TBC1D32: variants seen among roughly 807,000 people sequenced by gnomAD.
The protein encoded by TBC1D32 is protein broad-minded.
TBC1D32 carries 151 observed loss-of-function variants against 170.3 expected under a neutral mutation model. The ratio of observed to expected loss-of-function variants is 0.89; its 90% confidence interval spans 0.78 to 1.01. The LOEUF (loss-of-function observed/expected upper bound fraction) is 1.01. TBC1D32 is among the 50% of genes least tolerant of loss of function. The pLI, the probability that TBC1D32 is intolerant of heterozygous loss-of-function variation, is 0.00. For missense variants in TBC1D32, 1,464 were observed against 1,457.1 expected, an observed-to-expected ratio of 1.00 and a Z score of -0.08; for synonymous variants, 498 against 488.0, an observed-to-expected ratio of 1.02 and a Z score of -0.27.
chr6:121,121,495 C>G (rs886258074), intron 26 of TBC1D32, among the ~76,000 whole-genome samples: 1 of 152,048 alleles, frequency 6.6e-6, no homozygotes, highest in African/African-American at 2.4e-5. Context: ...TCTTCACTGT[C>G]TCTTTATTCA....
At chr6:121,307,875 A>G in intron 5 of TBC1D32, 101 bp downstream of exon 5, 1 of 1,361,784 alleles carries the variant, frequency 7.3e-7, no homozygotes, top group Non-Finnish European at 9.8e-7. Context: ...AAAAAACAAA[A>G]AAGAAAAGAA....
At chr6:121,170,446 AT>A in intron 22 of TBC1D32, 1 of 1,607,210 alleles carries the variant, frequency 6.2e-7, no homozygotes, top group Non-Finnish European at 8.5e-7. Context: ...CTTCTTGAGC[AT>A]TTAGTAACAT....
chr6:121,107,438 T>C (rs537821169), intron 29 of TBC1D32, among the ~76,000 whole-genome samples: 1 of 152,020 alleles, frequency 6.6e-6, no homozygotes, highest in Non-Finnish European at 1.5e-5. Context: ...AGGAGATACC[T>C]CACAGCACTT....
At chr6:121,137,379 G>C (rs1469445080) in intron 24 of TBC1D32, among the ~76,000 whole-genome samples, 2 of 150,396 alleles carry the variant, frequency 1.3e-5, no homozygotes, top group Admixed American at 1.3e-4. Context: ...AGAAAGGTTT[G>C]ATTTATCTAA....
At chr6:121,185,489 A>T (rs1355302363) in intron 22 of TBC1D32, among the ~76,000 whole-genome samples, 1 of 152,128 alleles carries the variant, frequency 6.6e-6, no homozygotes, top group African/African-American at 2.4e-5. Context: ...TTGTATAGGA[A>T]ATATCTGTGA....
intron 22 of TBC1D32, among the ~76,000 whole-genome samples, chr6:121,187,346 T>G (rs1014850351): frequency 2.6e-5 from 4 of 152,118 alleles, no homozygotes; most frequent in African/African-American, 9.7e-5. Context: ...ACTAGTCTTA[T>G]TATTGAAAGG....
chr6:121,189,880 A>T (rs1471350375), intron 22 of TBC1D32, among the ~76,000 whole-genome samples: 1 of 151,936 alleles, frequency 6.6e-6, no homozygotes, highest in Non-Finnish European at 1.5e-5. Flanking sequence ...GGACACTAAG[A>T]ATTTTGCACT....
At chr6:121,159,502 C>A (rs746752502) in intron 24 of TBC1D32, among the ~76,000 whole-genome samples, 1 of 152,096 alleles carries the variant, frequency 6.6e-6, no homozygotes, top group Non-Finnish European at 1.5e-5. Flanking sequence ...AATAGTCATG[C>A]ATTGCTTAAT....
At chr6:121,259,539 C>T (rs1023830767) in intron 15 of TBC1D32, among the ~76,000 whole-genome samples, 6 of 152,062 alleles carry the variant, frequency 3.9e-5, no homozygotes, top group Non-Finnish European at 5.9e-5. Flanking sequence ...ACATTCACTG[C>T]TCCCTTCATA....
intron 22 of TBC1D32, among the ~76,000 whole-genome samples, chr6:121,173,545 C>T (rs1462599807): frequency 6.6e-6 from 1 of 151,818 alleles, no homozygotes; most frequent in Non-Finnish European, 1.5e-5. Context: ...CCTCTGTTTT[C>T]AACAGTGGAA....
chr6:121,323,632 T>G (rs1161067666), intron 1 of TBC1D32, among the ~76,000 whole-genome samples: 2 of 152,180 alleles, frequency 1.3e-5, no homozygotes, highest in African/African-American at 4.8e-5. Flanking sequence ...TCAACCATGT[T>G]GATCTTCATA....
intron 21 of TBC1D32, among the ~76,000 whole-genome samples, chr6:121,213,204 A>G (rs1793308253): frequency 6.6e-6 from 1 of 152,112 alleles, no homozygotes; most frequent in African/African-American, 2.4e-5. Context: ...GGCCACAGCA[A>G]TCAGGTAAGA....
At chr6:121,242,952 T>C (rs1797175565) in intron 17 of TBC1D32, among the ~76,000 whole-genome samples, 1 of 152,028 alleles carries the variant, frequency 6.6e-6, no homozygotes, top group South Asian at 2.1e-4. Context: ...ATGTTGCATT[T>C]GAAAACATGA....
chr6:121,084,070 T>C (rs1207881249), intron 31 of TBC1D32, among the ~76,000 whole-genome samples: 8 of 152,236 alleles, frequency 5.3e-5, no homozygotes, highest in Admixed American at 4.6e-4. Flanking sequence ...TATGACTTTT[T>C]CTTTTGCTTC....
intron 1 of TBC1D32, among the ~76,000 whole-genome samples, chr6:121,325,376 A>AT (rs530137818): frequency 4.8e-3 from 150 of 31,350 alleles, no homozygotes; most frequent in African/African-American, 6.7e-3. Flanking sequence ...ACTTCAAACT[A>AT]TAAGATACAA....
At chr6:121,127,641 C>T (rs1265406742) in intron 25 of TBC1D32, among the ~76,000 whole-genome samples, 2 of 152,180 alleles carry the variant, frequency 1.3e-5, no homozygotes, top group African/African-American at 4.8e-5. Flanking sequence ...CATTTCAATT[C>T]TATGTGTACA....
chr6:121,128,501 A>T (rs1371983209), intron 25 of TBC1D32, among the ~76,000 whole-genome samples: 1 of 152,214 alleles, frequency 6.6e-6, no homozygotes, highest in Non-Finnish European at 1.5e-5. Flanking sequence ...ATTATAAAAC[A>T]AATTAATTCT....
At chr6:121,238,759 T>A (rs768600989) in intron 20 of TBC1D32, among the ~76,000 whole-genome samples, 109 of 152,116 alleles carry the variant, frequency 7.2e-4, no homozygotes, top group Admixed American at 1.6e-3. Context: ...TGGTTTTTCT[T>A]TGTTCCAATG....
intron 15 of TBC1D32, among the ~76,000 whole-genome samples, chr6:121,258,332 G>A (rs994175610): frequency 2.0e-5 from 3 of 151,874 alleles, no homozygotes; most frequent in Non-Finnish European, 2.9e-5. Context: ...ATTATTTGAA[G>A]TAATTCTTTT....
Sources: gnomAD v4.1 joint callset for allele counts (sites outside exome capture counted in the v4.1 genomes callset) on GRCh38, gnomAD v4.1.1 for gene constraint, MANE v1.5 for transcripts, NCBI Gene and HGNC (gene_info 2026-07-23, HGNC 2026-07-21) for gene names.